The following ADAMTSL3 variants were observed in gnomAD, a reference collection of about 807,000 sequenced individuals.
The protein encoded by ADAMTSL3 is ADAMTS-like protein 3.
Under a neutral mutation model 201.7 loss-of-function variants are expected in ADAMTSL3, and 128 were observed. The ratio of observed to expected loss-of-function variants is 0.63; its 90% CI spans 0.55 to 0.73. ADAMTSL3 has a LOEUF of 0.73. ADAMTSL3 is among the 30% of genes least tolerant of loss of function. The pLI, the probability that ADAMTSL3 is intolerant of heterozygous loss-of-function variation, is 0.00. For synonymous variants in ADAMTSL3, 738 were observed against 748.4 expected (o/e 0.99, Z 0.23); for missense variants, 1,990 against 2,119.6 (o/e 0.94, Z 1.20).
intron 10 of ADAMTSL3, among the ~76,000 whole-genome samples, chr15:83,889,247 G>A (rs527692192): frequency 1.2e-4 from 19 of 152,130 alleles, no homozygotes; most frequent in Non-Finnish European, 1.2e-4. Context: ...AGTGACATAC[G>A]GGGATGGATT....
intron 19 of ADAMTSL3, among the ~76,000 whole-genome samples, chr15:83,949,874 A>G (rs989281588): frequency 6.6e-5 from 10 of 151,604 alleles, no homozygotes; most frequent in African/African-American, 1.5e-4. Context: ...TTTTTTTCCT[A>G]TAGAGTTGTG....
At chr15:83,667,226 T>A (rs1380280896) in intron 2 of ADAMTSL3, among the ~76,000 whole-genome samples, 1 of 152,174 alleles carries the variant, frequency 6.6e-6, no homozygotes, top group Non-Finnish European at 1.5e-5. Context: ...TCTTTCCGTC[T>A]TTTCTTGTGC....
intron 5 of ADAMTSL3, among the ~76,000 whole-genome samples, chr15:83,812,902 T>C (rs1009181636): frequency 2.6e-5 from 4 of 152,190 alleles, no homozygotes; most frequent in Non-Finnish European, 5.9e-5. Context: ...TATTTCCACA[T>C]TTACAGAGGA....
intron 3 of ADAMTSL3, among the ~76,000 whole-genome samples, chr15:83,731,877 C>A (rs1179590593): frequency 1.3e-5 from 2 of 151,882 alleles, no homozygotes; most frequent in Non-Finnish European, 2.9e-5. Flanking sequence ...TACGTGAAAT[C>A]TAAAGATTAT....
At position 83,812,053 on chromosome 15, in the gene ADAMTSL3, A is replaced by G. The variant is rs149461121; in HGVS notation, c.363+7358A>G. On this transcript the variant is annotated intron_variant, in intron 5 of 29. Transcript: ENST00000286744. ...ATGCAAGTATATTCCTGAATATACT[A>G]TAGAAACATTGCAAACATGTTGAGT... Among the ~76,000 whole-genome samples the G allele has an allele frequency of 3.3e-5, 5 of 152,358 alleles. No homozygotes were observed. In the East Asian group the frequency reaches 7.7e-4, roughly 24 times the overall value.
intron 2 of ADAMTSL3, among the ~76,000 whole-genome samples, chr15:83,670,026 G>A (rs1404853367): frequency 6.6e-6 from 1 of 151,798 alleles, no homozygotes; most frequent in Non-Finnish European, 1.5e-5. Context: ...GGGAGGCCAA[G>A]GCGGGCAGAT....
At chr15:83,669,105 C>A (rs1381554181) in intron 2 of ADAMTSL3, among the ~76,000 whole-genome samples, 2 of 152,132 alleles carry the variant, frequency 1.3e-5, no homozygotes, top group Middle Eastern at 3.2e-3. Flanking sequence ...GTGTGCTCCA[C>A]CCATGGAGAT....
intron 2 of ADAMTSL3, among the ~76,000 whole-genome samples, chr15:83,669,343 A>G (rs2061292086): frequency 6.7e-6 from 1 of 149,358 alleles, no homozygotes; most frequent in Non-Finnish European, 1.5e-5. Context: ...ACGGGGTTTC[A>G]CCATATTGGC....
chr15:83,923,839 A>G lies in ADAMTSL3; in HGVS notation c.1988-65A>G, dbSNP rs1596411883. On this transcript the variant is annotated intron_variant, in intron 16 of 29. Coordinates refer to ENST00000286744, the MANE Select transcript of ADAMTSL3 (RefSeq NM_207517.3). ...TAAGAATGAGAAGACCTAAGACTCT[A>G]TTTTCTTTTTTCCACAATAAATTAT... 3.2e-6 allele frequency: 5 copies of G among 1,580,650 alleles called. No individual in the cohort carries two copies. In the East Asian group the frequency reaches 9.0e-5, roughly 28 times the overall value.
At chr15:83,714,887 TTC>T (rs2061992793) in intron 3 of ADAMTSL3, among the ~76,000 whole-genome samples, 4 of 31,158 alleles carry the variant, frequency 1.3e-4, no homozygotes, top group Non-Finnish European at 1.5e-4. Flanking sequence ...CCTTCCTTCC[TTC>T]CTTCCTTCCT....
At chr15:83,658,812 C>G (rs943167543) in intron 2 of ADAMTSL3, among the ~76,000 whole-genome samples, 1 of 152,220 alleles carries the variant, frequency 6.6e-6, no homozygotes, top group Non-Finnish European at 1.5e-5. Flanking sequence ...TTATCCTGAA[C>G]ACCTTGAAGA....
At chr15:83,900,722 C>T (rs534524362) in intron 15 of ADAMTSL3, among the ~76,000 whole-genome samples, 103 of 152,252 alleles carry the variant, frequency 6.8e-4, no homozygotes, top group African/African-American at 2.4e-3. Context: ...TTGAGCAACC[C>T]GTTATTTGCA....
chr15:83,833,394 T>A (rs1269539015), intron 6 of ADAMTSL3, among the ~76,000 whole-genome samples: 1 of 152,104 alleles, frequency 6.6e-6, no homozygotes, highest in Admixed American at 6.5e-5. Flanking sequence ...ATCCAGGGTA[T>A]TTTTTATAAG....
chr15:83,942,532 G>T (rs890929971), intron 17 of ADAMTSL3, 64 bp from the exon 18 acceptor site: 12 of 1,498,856 alleles, frequency 8.0e-6, no homozygotes, highest in Non-Finnish European at 1.1e-5. Context: ...CGTTGTTCAT[G>T]CTCTGATGGT....
At chr15:83,863,724 C>T (rs1171808267) in intron 8 of ADAMTSL3, among the ~76,000 whole-genome samples, 2 of 152,124 alleles carry the variant, frequency 1.3e-5, no homozygotes, top group African/African-American at 4.8e-5. Flanking sequence ...CAAGAGCAAA[C>T]ACATTCAAAA....
intron 2 of ADAMTSL3, among the ~76,000 whole-genome samples, chr15:83,667,107 A>G (rs1349737494): frequency 6.6e-6 from 1 of 152,100 alleles, no homozygotes; most frequent in East Asian, 1.9e-4. Context: ...TCATGCTTAG[A>G]AGTAACTTCA....
At chr15:83,929,699 CAGAGAG>C (rs1555461707) in intron 17 of ADAMTSL3, among the ~76,000 whole-genome samples, 15 of 150,316 alleles carry the variant, frequency 1.0e-4, no homozygotes, top group South Asian at 6.4e-4. Flanking sequence ...CACACACACA[CAGAGAG>C]AGACAGAGAG....
chr15:83,835,809 G>A (rs2064258410), intron 6 of ADAMTSL3, among the ~76,000 whole-genome samples: 1 of 152,180 alleles, frequency 6.6e-6, no homozygotes, highest in Non-Finnish European at 1.5e-5. Context: ...CTGTGTAACT[G>A]GGCTTTTGTT....
intron 15 of ADAMTSL3, among the ~76,000 whole-genome samples, chr15:83,907,097 G>GA (rs765994439): frequency 7.9e-4 from 59 of 74,254 alleles, no homozygotes; most frequent in South Asian, 5.0e-3. Flanking sequence ...CTGTCTCTGG[G>GA]AAAAAAAAAA....
Sources: gnomAD v4.1 joint callset for allele counts (sites outside exome capture counted in the v4.1 genomes callset) on GRCh38, gnomAD v4.1.1 for gene constraint, MANE v1.5 for transcripts, NCBI Gene and HGNC (gene_info 2026-07-23, HGNC 2026-07-21) for gene names.